CHLSN: variants seen among roughly 807,000 people sequenced by gnomAD.
The protein encoded by CHLSN is cholesin.
chr7:1,017,787 G>A, the CHLSN span, among the ~76,000 whole-genome samples: 2 of 152,232 alleles, frequency 1.3e-5, no homozygotes, highest in Non-Finnish European at 2.9e-5. Context: ...CAGGGTAAGG[G>A]GCTTCTCTGC....
At chr7:1,018,844 T>A in the CHLSN span, among the ~76,000 whole-genome samples, 774 of 151,984 alleles carry the variant, frequency 5.1e-3, 9 homozygotes, top group African/African-American at 0.018. Flanking sequence ...GGTGATAGGC[T>A]CGTCCAGCTG....
the CHLSN span, among the ~76,000 whole-genome samples, chr7:1,021,844 G>GC: frequency 6.6e-6 from 1 of 152,256 alleles, no homozygotes; most frequent in Non-Finnish European, 1.5e-5. Flanking sequence ...ACTGGGATGC[G>GC]CGCCCTTCCG....
the CHLSN span, among the ~76,000 whole-genome samples, chr7:1,131,598 T>C: frequency 1.3e-5 from 2 of 152,204 alleles, no homozygotes; most frequent in Admixed American, 1.3e-4. Context: ...TTCAATTAGC[T>C]ATGTAATAAG....
chr7:1,111,840 G>A, the CHLSN span, among the ~76,000 whole-genome samples: 1 of 152,048 alleles, frequency 6.6e-6, no homozygotes, highest in African/African-American at 2.4e-5. Flanking sequence ...CTCGGGGCGG[G>A]TGACACTGAG....
At chr7:1,009,195 C>T in the CHLSN span, among the ~76,000 whole-genome samples, 1 of 152,182 alleles carries the variant, frequency 6.6e-6, no homozygotes, top group Admixed American at 6.5e-5. Context: ...GCCTGTCCTC[C>T]CAGGCAGGGC....
the CHLSN span, among the ~76,000 whole-genome samples, chr7:1,101,493 G>A: frequency 0.19 from 29,623 of 152,152 alleles, 3,080 homozygotes; most frequent in African/African-American, 0.22. Context: ...CACAGTGAGC[G>A]GCTCCTTACA....
At chr7:1,108,967 G>C in the CHLSN span, among the ~76,000 whole-genome samples, 1 of 149,460 alleles carries the variant, frequency 6.7e-6, no homozygotes, top group Non-Finnish European at 1.5e-5. Flanking sequence ...TGCAAACTCG[G>C]CTCACTGCAA....
the CHLSN span, among the ~76,000 whole-genome samples, chr7:1,027,578 G>A: frequency 6.6e-6 from 1 of 152,274 alleles, no homozygotes; most frequent in Non-Finnish European, 1.5e-5. Flanking sequence ...AGGAGCTGCC[G>A]GCCTGCTCCG....
At chr7:1,097,255 G>A in the CHLSN span, among the ~76,000 whole-genome samples, 8 of 152,200 alleles carry the variant, frequency 5.3e-5, no homozygotes, top group Admixed American at 5.2e-4. This position sits in a 1 kb window ranked among gnomAD's most constrained non-coding sequence, Gnocchi z 4.3. Context: ...GACTCCGGGA[G>A]AAATGGCTGA....
At chr7:1,099,146 G>A in the CHLSN span, among the ~76,000 whole-genome samples, 2 of 137,078 alleles carry the variant, frequency 1.5e-5, no homozygotes, top group Non-Finnish European at 3.2e-5. Flanking sequence ...CTCCCCTTCC[G>A]GAGCCTCGCT....
At chr7:1,115,186 GT>G in the CHLSN span, among the ~76,000 whole-genome samples, 1 of 152,212 alleles carries the variant, frequency 6.6e-6, no homozygotes, top group Non-Finnish European at 1.5e-5. Flanking sequence ...AATCTTTGCT[GT>G]TTTTTAGGAG....
the CHLSN span, among the ~76,000 whole-genome samples, chr7:1,122,591 G>A: frequency 2.6e-5 from 4 of 152,168 alleles, no homozygotes; most frequent in African/African-American, 2.4e-5. Context: ...CACCATGTCC[G>A]CCGACCCCAA....
At chr7:1,108,383 C>A in the CHLSN span, among the ~76,000 whole-genome samples, 1 of 151,332 alleles carries the variant, frequency 6.6e-6, no homozygotes, top group African/African-American at 2.4e-5. Context: ...CAGAGGGGGG[C>A]TGTGTCCCGC....
the CHLSN span, chr7:1,091,971 G>A: frequency 6.2e-7 from 1 of 1,614,106 alleles, no homozygotes; most frequent in African/African-American, 1.3e-5. Context: ...TCCTGATCCT[G>A]GTGGTGAACA....
chr7:1,074,849 C>T, the CHLSN span: 1 of 152,606 alleles, frequency 6.6e-6, no homozygotes, highest in East Asian at 1.9e-4. Flanking sequence ...GTCATCAGCT[C>T]TGGCCTTCCT....
At chr7:1,041,676 C>T in the CHLSN span, among the ~76,000 whole-genome samples, 1 of 152,192 alleles carries the variant, frequency 6.6e-6, no homozygotes, top group Non-Finnish European at 1.5e-5. Flanking sequence ...CTAGGAAGTT[C>T]GTTGCAAAAT....
At chr7:986,097 G>A in the CHLSN span, among the ~76,000 whole-genome samples, 1 of 152,200 alleles carries the variant, frequency 6.6e-6, no homozygotes, top group Non-Finnish European at 1.5e-5. Flanking sequence ...GGCCTTCCCT[G>A]CTGGTGCCAG....
chr7:978,631 C>T, the CHLSN span, among the ~76,000 whole-genome samples: 6 of 152,222 alleles, frequency 3.9e-5, no homozygotes, highest in African/African-American at 1.2e-4. Flanking sequence ...GTGCCTGGCA[C>T]GCTGGACATG....
the CHLSN span, among the ~76,000 whole-genome samples, chr7:1,072,765 C>A: frequency 6.8e-6 from 1 of 148,078 alleles, no homozygotes; most frequent in Non-Finnish European, 1.5e-5. Context: ...CTCACTGCAA[C>A]CTCCGCCCCC....
Sources: gnomAD v4.1 joint callset for allele counts (sites outside exome capture counted in the v4.1 genomes callset) on GRCh38, gnomAD v4.1.1 for gene constraint, Gnocchi (gnomAD v3.1) non-coding constraint, MANE v1.5 for transcripts, NCBI Gene and HGNC (gene_info 2026-07-23, HGNC 2026-07-21) for gene names.